The following TENM2 variants were observed in gnomAD, a reference collection of about 807,000 sequenced individuals.
TENM2 encodes the protein teneurin transmembrane protein 2.
TENM2 carries 52 observed loss-of-function variants against 245.2 expected under a neutral mutation model. The observed-to-expected ratio is 0.21, with a 90% CI of 0.17 to 0.27. TENM2 has a LOEUF of 0.27. Among genes scored for constraint, TENM2 ranks in the 10% least tolerant of loss-of-function variants. The probability of loss-of-function intolerance (pLI) is 1.00; values close to 1 mark genes in which losing one functional copy is unlikely to be tolerated. For synonymous variants in TENM2, 1,363 were observed against 1,438.9 expected (o/e 0.95, Z 1.19); for missense variants, 3,046 against 3,666.8 (o/e 0.83, Z 4.37).
At chr5:167,282,956 G>T (rs1771139443), upstream of TENM2, among the ~76,000 whole-genome samples, 5 of 152,146 alleles carry the variant, frequency 3.3e-5, no homozygotes, top group Admixed American at 2.6e-4. Context: ...AGACTCCAGA[G>T]TCCAGCAAGC....
At chr5:167,544,520 G>A (rs751471880) in intron 2 of TENM2, among the ~76,000 whole-genome samples, 3 of 152,096 alleles carry the variant, frequency 2.0e-5, no homozygotes, top group Admixed American at 6.6e-5. Flanking sequence ...TTTATCAGGG[G>A]CACTTTTATT....
intron 27 of TENM2, among the ~76,000 whole-genome samples, chr5:168,253,306 A>G (rs1767304565): frequency 6.6e-6 from 1 of 151,956 alleles, no homozygotes; most frequent in Non-Finnish European, 1.5e-5. Flanking sequence ...TAATGATAAT[A>G]ATAGCAGTCA....
chr5:167,622,100 A>G (rs897713442), intron 2 of TENM2, among the ~76,000 whole-genome samples: 7 of 152,204 alleles, frequency 4.6e-5, no homozygotes, highest in Admixed American at 2.6e-4. Context: ...AATTTTTTAC[A>G]TACTTGCAAT....
At chr5:167,214,669 G>T in the TENM2 span, among the ~76,000 whole-genome samples, 289 of 152,292 alleles carry the variant, frequency 1.9e-3, 1 homozygote, top group Non-Finnish European at 3.0e-3. Flanking sequence ...ATTCTGATTT[G>T]ATTAGCAATG....
chr5:167,620,235 G>A (rs1302945830), intron 2 of TENM2, among the ~76,000 whole-genome samples: 5 of 152,082 alleles, frequency 3.3e-5, no homozygotes, highest in African/African-American at 1.2e-4. Flanking sequence ...GGTAATCGGT[G>A]TAAACCAAGA....
chr5:168,243,999 C>G (rs1186322452), intron 25 of TENM2, among the ~76,000 whole-genome samples: 1 of 146,764 alleles, frequency 6.8e-6, no homozygotes, highest in African/African-American at 2.5e-5. Flanking sequence ...GAGTGCATGG[C>G]ACAATTTCAG....
At chr5:168,188,157 A>G (rs768875855) in intron 13 of TENM2, among the ~76,000 whole-genome samples, 5 of 152,240 alleles carry the variant, frequency 3.3e-5, no homozygotes, top group African/African-American at 9.6e-5. Flanking sequence ...GTGAAATTAC[A>G]TATTTCATTT....
the TENM2 span, among the ~76,000 whole-genome samples, chr5:167,248,217 G>A: frequency 6.6e-6 from 1 of 152,106 alleles, no homozygotes; most frequent in Non-Finnish European, 1.5e-5. Flanking sequence ...ACTTGTGCCA[G>A]TCTTTGTAAA....
chr5:167,101,843 ATATATT>A, the TENM2 span, among the ~76,000 whole-genome samples: 65 of 100,206 alleles, frequency 6.5e-4, 2 homozygotes, highest in African/African-American at 2.7e-3. Context: ...ATTTATATAT[ATATATT>A]TATATATATA....
At chr5:167,047,761 G>A in the TENM2 span, among the ~76,000 whole-genome samples, 2 of 152,132 alleles carry the variant, frequency 1.3e-5, no homozygotes, top group Admixed American at 1.3e-4. Context: ...ATCATAGTAA[G>A]TCTTTAATTG....
chr5:167,442,298 C>T (rs539590048), intron 2 of TENM2, among the ~76,000 whole-genome samples: 1 of 152,254 alleles, frequency 6.6e-6, no homozygotes, highest in East Asian at 1.9e-4. Flanking sequence ...TTTTATTCAA[C>T]CAGTTACTAT....
chr5:167,533,285 G>C (rs1771634217), intron 2 of TENM2, among the ~76,000 whole-genome samples: 1 of 152,122 alleles, frequency 6.6e-6, no homozygotes, highest in Non-Finnish European at 1.5e-5. Context: ...CAATGAACTT[G>C]GTAAGAATGA....
chr5:167,135,473 A>G, the TENM2 span, among the ~76,000 whole-genome samples: 1 of 152,154 alleles, frequency 6.6e-6, no homozygotes, highest in East Asian at 1.9e-4. Flanking sequence ...TGGCTCTTAA[A>G]AAACAAAAAG....
At chr5:167,334,497 C>T (rs776971853) in intron 1 of TENM2, among the ~76,000 whole-genome samples, 1 of 152,194 alleles carries the variant, frequency 6.6e-6, no homozygotes, top group Non-Finnish European at 1.5e-5. Context: ...AGCTAAGTGA[C>T]ATTTTCAGAC....
the TENM2 span, among the ~76,000 whole-genome samples, chr5:167,072,280 T>C: frequency 6.6e-6 from 1 of 152,234 alleles, no homozygotes; most frequent in African/African-American, 2.4e-5. Flanking sequence ...CACTCCCTCT[T>C]TATCAAGCCC....
chr5:167,854,697 T>A (rs1770906425), intron 2 of TENM2, among the ~76,000 whole-genome samples: 1 of 152,210 alleles, frequency 6.6e-6, no homozygotes. Flanking sequence ...TCTTATGCTA[T>A]GTGTTAAAGC....
At chr5:167,066,406 G>A in the TENM2 span, among the ~76,000 whole-genome samples, 1 of 152,006 alleles carries the variant, frequency 6.6e-6, no homozygotes, top group Admixed American at 6.6e-5. Flanking sequence ...TATACTGTAA[G>A]TTTTAGGGTA....
intron 13 of TENM2, 130 bp downstream of exon 15, chr5:168,162,887 A>T: frequency 8.9e-7 from 1 of 1,129,808 alleles, no homozygotes; most frequent in Non-Finnish European, 1.3e-6. Context: ...TTTTCTTTGA[A>T]GCAAATGCAG....
chr5:167,797,194 G>T (rs529766927), intron 2 of TENM2, among the ~76,000 whole-genome samples: 1 of 152,288 alleles, frequency 6.6e-6, no homozygotes, highest in African/African-American at 2.4e-5. Context: ...AATGTTGTCA[G>T]ATCTGCTGAT....
Sources: gnomAD v4.1 joint callset for allele counts (sites outside exome capture counted in the v4.1 genomes callset) on GRCh38, gnomAD v4.1.1 for gene constraint, MANE v1.5 for transcripts, NCBI Gene and HGNC (gene_info 2026-07-23, HGNC 2026-07-21) for gene names.